Variants in ITPR2 observed in about 807,000 individuals in gnomAD.
The protein encoded by ITPR2 is inositol 1,4,5-trisphosphate-gated calcium channel ITPR2.
Under a neutral mutation model 317.1 loss-of-function variants are expected in ITPR2, and 207 were observed. That is an observed-to-expected ratio of 0.65 (90% CI 0.58 to 0.73). The LOEUF is 0.73. Among genes scored for constraint, ITPR2 ranks in the 30% least tolerant of loss-of-function variants. ITPR2 has a pLI of 0.00. For missense variants in ITPR2, 2,613 were observed against 3,284.0 expected (o/e 0.80, Z 4.99); for synonymous variants, 1,156 against 1,149.1 (o/e 1.01, Z -0.12).
At chr12:26,371,475 C>T (rs903904512) in intron 55 of ITPR2, among the ~76,000 whole-genome samples, 9 of 152,152 alleles carry the variant, frequency 5.9e-5, no homozygotes, top group Non-Finnish European at 1.3e-4. Context: ...AAACAGGTAA[C>T]AACTCCACAG....
chr12:26,661,560 G>A (rs1482693900), intron 15 of ITPR2, among the ~76,000 whole-genome samples: 1 of 152,148 alleles, frequency 6.6e-6, no homozygotes, highest in Non-Finnish European at 1.5e-5. Flanking sequence ...TCTTCCAAAG[G>A]CTGACAGCCA....
At chr12:26,461,709 C>T (rs1942034553) in intron 45 of ITPR2, among the ~76,000 whole-genome samples, 1 of 145,120 alleles carries the variant, frequency 6.9e-6, no homozygotes, top group African/African-American at 2.6e-5. Flanking sequence ...CACACACACA[C>T]ACACACACAT....
chr12:26,542,606 A>C (rs1391162917), intron 37 of ITPR2, among the ~76,000 whole-genome samples: 5 of 152,224 alleles, frequency 3.3e-5, no homozygotes, highest in Non-Finnish European at 7.4e-5. Flanking sequence ...GTAAGCTCTT[A>C]ATAAATGCTA....
At chr12:26,453,227 T>G (rs1941784282) in intron 45 of ITPR2, among the ~76,000 whole-genome samples, 1 of 152,230 alleles carries the variant, frequency 6.6e-6, no homozygotes, top group African/African-American at 2.4e-5. Flanking sequence ...TCATGTGAAA[T>G]TTACTGAGGT....
intron 32 of ITPR2, among the ~76,000 whole-genome samples, chr12:26,587,123 C>G (rs1306464030): frequency 6.6e-6 from 1 of 150,586 alleles, no homozygotes; most frequent in South Asian, 2.1e-4. Context: ...TTTTCAAATC[C>G]ACTTTTAAAA....
chr12:26,782,996 T>C (rs555559464), intron 2 of ITPR2, among the ~76,000 whole-genome samples: 1 of 152,308 alleles, frequency 6.6e-6, no homozygotes, highest in African/African-American at 2.4e-5. Context: ...AAGAACACAC[T>C]TTCATTTATA....
rs192142929 is a variant in ITPR2, at chr12:26,593,401, T to C, written c.4380+2064A>G. 1.5e-3 allele frequency among the ~76,000 whole-genome samples: 234 copies of C among 152,338 alleles called. 1 individual carries two copies. The highest frequency in any genetic ancestry group is 2.6e-3 in the Non-Finnish European group (178 of 68,032). ...CTATTCATTTAACCACACTTAGTTT[T>C]ATAACTTGAATTTGAAAGTTTCTGG... On this transcript the variant is annotated intron_variant, in intron 32 of 56. Transcript: ENST00000381340.
At chr12:26,573,128 G>T (rs775454214) in intron 34 of ITPR2, among the ~76,000 whole-genome samples, 15 of 151,954 alleles carry the variant, frequency 9.9e-5, no homozygotes, top group Non-Finnish European at 2.1e-4. Flanking sequence ...GGGCAGTAAA[G>T]ATCTCCCACT....
chr12:26,677,477 G>T (rs1947936815), intron 13 of ITPR2, among the ~76,000 whole-genome samples: 1 of 152,012 alleles, frequency 6.6e-6, no homozygotes, highest in South Asian at 2.1e-4. Context: ...GCACGTGCCT[G>T]TGTTCCCAGC....
At chr12:26,806,225 T>C (rs1212912907) in intron 1 of ITPR2, among the ~76,000 whole-genome samples, 1 of 152,164 alleles carries the variant, frequency 6.6e-6, no homozygotes, top group Non-Finnish European at 1.5e-5. Context: ...TGACCATAAA[T>C]ATAGTGCAGT....
chr12:26,635,702 G>A (rs554178913), intron 21 of ITPR2, among the ~76,000 whole-genome samples: 8 of 152,332 alleles, frequency 5.3e-5, no homozygotes, highest in Non-Finnish European at 1.0e-4. Flanking sequence ...ATGAAGACAT[G>A]ATTCTGGAAG....
chr12:26,520,271 C>G (rs1461568746), intron 37 of ITPR2, among the ~76,000 whole-genome samples: 1 of 152,126 alleles, frequency 6.6e-6, no homozygotes. Flanking sequence ...CTAGGATAGG[C>G]TTTGCCAGCA....
chr12:26,510,006 T>TGTGTGTGG (rs1206324971), intron 37 of ITPR2, among the ~76,000 whole-genome samples: 1 of 32,310 alleles, frequency 3.1e-5, no homozygotes, highest in Non-Finnish European at 5.7e-5. Context: ...GTGTGTGTGG[T>TGTGTGTGG]GGGGGGTGGG....
intron 55 of ITPR2, among the ~76,000 whole-genome samples, chr12:26,348,348 G>A (rs1241247357): frequency 6.6e-6 from 1 of 152,224 alleles, no homozygotes; most frequent in African/African-American, 2.4e-5. Flanking sequence ...GGTTATGGGG[G>A]CGTGTCTCAT....
At chr12:26,422,910 T>C (rs778553773) in intron 49 of ITPR2, among the ~76,000 whole-genome samples, 3 of 152,206 alleles carry the variant, frequency 2.0e-5, no homozygotes, top group Admixed American at 6.5e-5. Context: ...AAACATGAGA[T>C]GGTTTGATTC....
chr12:26,774,829 G>T (rs1301524880), intron 2 of ITPR2, among the ~76,000 whole-genome samples: 2 of 152,172 alleles, frequency 1.3e-5, no homozygotes, highest in African/African-American at 2.4e-5. Flanking sequence ...GAAACAGCAG[G>T]AACAGTGCAG....
intron 9 of ITPR2, among the ~76,000 whole-genome samples, chr12:26,701,466 T>C (rs1948445239): frequency 6.6e-6 from 1 of 152,194 alleles, no homozygotes; most frequent in Non-Finnish European, 1.5e-5. Flanking sequence ...TTGATAAGCC[T>C]AGAAAAGAAA....
chr12:26,782,015 TATATATATATATATATATGTATAGAG>T lies in ITPR2; in HGVS notation c.163+8116_163+8141del, dbSNP rs1276776628. 4.0e-3 allele frequency among the ~76,000 whole-genome samples: 223 copies of T among 56,056 alleles called. 1 individual carries two copies. Among genetic ancestry groups the T allele is most frequent in the Non-Finnish European group, 6.7e-3 (165 of 24,534 alleles). The allele number at this position is 56,056 out of a possible 152,430, so 36.8% of individuals were successfully genotyped here. A position where few individuals can be genotyped will look rare whatever the true frequency, so the allele number is the denominator to read the frequency against. On this transcript the variant is annotated intron_variant, in intron 2 of 56. Transcript: ENST00000381340. ...CTGTATATATATATATATATATATATATATATATATATATATATGTATAGAGAGAGAGAGAGAGAGAGAGAGAGAGA... is the reference window on the plus strand; with the variant it reads ...CTGTATATATATATATATATATATATAGAGAGAGAGAGAGAGAGAGAGAGA...
rs188905745 is a variant in ITPR2 at position 26,335,377 on chromosome 12, T to C, written c.*4020A>G. On this transcript the variant is annotated 3_prime_UTR_variant, in exon 57 of 57. Transcript: ENST00000381340. Reference sequence around the variant, plus strand: ...TTATACACATCCAATTTTATTAACATTCACTTATAAATTATCTGCCCTTGT... The same window carrying C: ...TTATACACATCCAATTTTATTAACACTCACTTATAAATTATCTGCCCTTGT... 2.0e-5 allele frequency among the ~76,000 whole-genome samples: 3 copies of C among 152,378 alleles called. No individual in the cohort carries two copies. Among genetic ancestry groups the C allele is most frequent in the Non-Finnish European group, 4.4e-5 (3 of 68,040 alleles).
Sources: gnomAD v4.1 joint callset for allele counts (sites outside exome capture counted in the v4.1 genomes callset) on GRCh38, gnomAD v4.1.1 for gene constraint, MANE v1.5 for transcripts, NCBI Gene and HGNC (gene_info 2026-07-23, HGNC 2026-07-21) for gene names.